The following ZNF180 variants were observed in gnomAD, a reference collection of about 807,000 sequenced individuals.
The protein encoded by ZNF180 is zinc finger protein 180, also known as zinc finger protein 180 (HHZ168).
ZNF180 carries 11 observed loss-of-function variants against 11.8 expected under a neutral mutation model. The observed-to-expected ratio is 0.93, with a 90% CI of 0.59 to 1.55. The LOEUF (loss-of-function observed/expected upper bound fraction) is 1.55, where lower values mean the gene tolerates loss of function less well. Ranked by LOEUF, ZNF180 falls within the 40% of genes most tolerant of loss-of-function variation. The pLI, the probability that ZNF180 is intolerant of heterozygous loss-of-function variation, is 0.00. For missense variants in ZNF180, 773 were observed against 781.7 expected, an observed-to-expected ratio of 0.99 and a Z score of 0.13; for synonymous variants, 287 against 257.7, an observed-to-expected ratio of 1.11 and a Z score of -1.09.
intron 2 of ZNF180, among the ~76,000 whole-genome samples, chr19:44,488,677 A>G (rs371668932): frequency 2.0e-5 from 3 of 151,790 alleles, no homozygotes; most frequent in African/African-American, 7.3e-5. Context: ...GCCTCTGCCC[A>G]GCTGCCACCC....
At position 44,476,504 on chromosome 19, in the gene ZNF180, T is replaced by C. The variant is rs368329994; in HGVS notation, c.1896A>G (p.Lys632=). ...IVHQRTHTGE[K]PFTCIQCGKA... ...TTCCACACTGAATACATGTAAAGGG[T>C]TTCTCTCCAGTATGAGTTCTTTGAT... Residue 632 remains lysine (K), a synonymous_variant, in exon 5 of 5, where the codon AAA becomes AAG. Coordinates refer to ENST00000592529, the MANE Select transcript of ZNF180 (RefSeq NM_001278509.3). The C allele has an allele frequency of 8.7e-6, 14 of 1,614,014 alleles. No individual in the cohort carries two copies. Among genetic ancestry groups the C allele is most frequent in the African/African-American group, 1.3e-5 (1 of 74,916 alleles).
rs1970014969 is a variant in ZNF180 at position 44,479,296 on chromosome 19, G to A, written c.240C>T (p.Asp80=). Reference sequence around the variant, plus strand: ...GTGTATTCTTACCCCAAGAGACTAGGTCCCTGTGGTTCTCCAGGATCACAT... The same window carrying A: ...GTGTATTCTTACCCCAAGAGACTAGATCCCTGTGGTTCTCCAGGATCACAT... ...DRDVILENHR[D]LVSWDLATAV... is the part of the protein sequence containing the mutation. The change falls in exon 4 of 5, where the codon GAC becomes GAT. Residue 80 remains aspartate (D), a synonymous_variant. Transcript: ENST00000592529. 3.7e-6 allele frequency: 6 copies of A among 1,613,814 alleles called. No homozygotes were observed. The highest frequency in any genetic ancestry group is 5.1e-6 in the Non-Finnish European group (6 of 1,179,874).
chr19:44,488,085 C>T (rs987052770), intron 2 of ZNF180, among the ~76,000 whole-genome samples: 6,021 of 64,992 alleles, frequency 0.093, 720 homozygotes, highest in South Asian at 0.22. Flanking sequence ...TCTCCCTCTC[C>T]CCACGGTCTC....
chr19:44,480,683 T>C (rs1970054696), intron 3 of ZNF180, among the ~76,000 whole-genome samples: 1 of 152,264 alleles, frequency 6.6e-6, no homozygotes. Context: ...TTATGTTTCA[T>C]ATACACCTTA....
chr19:44,484,728 A>G, intron 2 of ZNF180: 1 of 454,570 alleles, frequency 2.2e-6, no homozygotes, highest in Non-Finnish European at 4.0e-6. Flanking sequence ...CCAAGACACT[A>G]AGGAGCACTA....
chr19:44,498,989 T>C (rs1253866123), intron 1 of ZNF180, among the ~76,000 whole-genome samples: 1 of 152,088 alleles, frequency 6.6e-6, no homozygotes, highest in Non-Finnish European at 1.5e-5. Flanking sequence ...CACACCATGC[T>C]CCTGAGTCAA....
chr19:44,477,309 C>G lies in ZNF180; in HGVS notation c.1091G>C (p.Ser364Thr), dbSNP rs763497886. The change falls in exon 5 of 5, where the codon AGC (serine) becomes ACC (threonine). Residue 364 changes from serine (S) to threonine (T), a missense_variant. Transcript: ENST00000592529. ...ATGGGAAACAAGGTGCGAGCTCCGG[C>G]TGAAGGATTTTCCACATTCACTACA... is the stretch of plus-strand genomic sequence containing the variant. ...YECSECGKSFSRSSHLVSHQR... is the reference protein window; with the variant it reads ...YECSECGKSFTRSSHLVSHQR... The G allele has an allele frequency of 1.2e-6, 2 of 1,612,078 alleles. No individual in the cohort carries two copies. The highest frequency in any genetic ancestry group is 2.7e-5 in the African/African-American group (2 of 74,784).
At chr19:44,494,628 T>C (rs924581936) in intron 2 of ZNF180, among the ~76,000 whole-genome samples, 1 of 152,194 alleles carries the variant, frequency 6.6e-6, no homozygotes, top group African/African-American at 2.4e-5. Flanking sequence ...TCTATGCTGG[T>C]GTGCCATGTA....
intron 2 of ZNF180, among the ~76,000 whole-genome samples, chr19:44,488,449 T>G (rs989918735): frequency 1.1e-4 from 17 of 152,274 alleles, no homozygotes; most frequent in African/African-American, 4.1e-4. Context: ...ATTTTTTTGG[T>G]GGAGACGGGG....
At chr19:44,497,871 T>C (rs758406461) in intron 1 of ZNF180, among the ~76,000 whole-genome samples, 1 of 152,186 alleles carries the variant, frequency 6.6e-6, no homozygotes, top group Admixed American at 6.5e-5. Flanking sequence ...ACAGCTCCAC[T>C]GCTCCCAGGA....
At chr19:44,500,223 C>T in intron 1 of ZNF180, 52 bp downstream of exon 1, 1 of 1,614,134 alleles carries the variant, frequency 6.2e-7, no homozygotes, top group Non-Finnish European at 8.5e-7. Context: ...CCCGCGTAGA[C>T]CCTGCGCATG....
intron 2 of ZNF180, among the ~76,000 whole-genome samples, chr19:44,491,856 G>A (rs1472104201): frequency 1.3e-5 from 2 of 152,186 alleles, no homozygotes; most frequent in Non-Finnish European, 1.5e-5. Context: ...GGGATTACAG[G>A]TGTGAGCCAC....
intron 4 of ZNF180, among the ~76,000 whole-genome samples, 167 bp downstream of exon 4, chr19:44,479,116 T>C (rs1277252089): frequency 6.6e-6 from 1 of 152,190 alleles, no homozygotes; most frequent in East Asian, 1.9e-4. Context: ...TCTGCACTAT[T>C]TCTACCCTAC....
At position 44,477,048 on chromosome 19, in the gene ZNF180, T is replaced by C. The variant is rs1388330863; in HGVS notation, c.1352A>G (p.Tyr451Cys). The change falls in exon 5 of 5, where the codon TAT (tyrosine) becomes TGT (cysteine). Residue 451 changes from tyrosine (Y) to cysteine (C), a missense_variant. Coordinates refer to ENST00000592529, the MANE Select transcript of ZNF180 (RefSeq NM_001278509.3). ...AATTCTTTGATGTGCAATAAGTTTA[T>C]AGCTCTGGATAAATGATTTCCCACA... ...NQCGKSFIQS[Y>C]KLIAHQRIHT... The C allele has an allele frequency of 2.5e-6, 4 of 1,614,026 alleles. No individual in the cohort carries two copies. The highest frequency in any genetic ancestry group is 1.7e-5 in the Admixed American group (1 of 60,000).
chr19:44,494,160 G>A (rs533887985), intron 2 of ZNF180, among the ~76,000 whole-genome samples: 1 of 152,318 alleles, frequency 6.6e-6, no homozygotes, highest in African/African-American at 2.4e-5. Flanking sequence ...GAACTAAGTC[G>A]TGCAGGGCAG....
rs11881628 is a variant in ZNF180 at position 44,495,664 on chromosome 19, A to G, written c.51+1620T>C. Among the ~76,000 whole-genome samples the G allele has an allele frequency of 0.17, 25,351 of 151,862 alleles. 2,574 individuals are homozygous for G. Among genetic ancestry groups the G allele is most frequent in the East Asian group, 0.35 (1,789 of 5,134 alleles). ...TGCCTTGCTCACCTGCTCTGACCCC[A>G]TCACCCCACACCAGATCTCCATATA... On this transcript the variant is annotated intron_variant, in intron 2 of 4. Coordinates refer to ENST00000592529, the MANE Select transcript of ZNF180 (RefSeq NM_001278509.3). This position sits in a 1 kb window ranked among gnomAD's most constrained non-coding sequence, Gnocchi z 4.5.
In ZNF180 at chr19:44,476,579, T is replaced by C; in HGVS notation, c.1821A>G (p.Glu607=). The C allele has an allele frequency of 6.2e-7, 1 of 1,614,144 alleles. No individual in the cohort carries two copies. The highest frequency in any genetic ancestry group is 1.7e-5 in the Admixed American group (1 of 60,024). ...QRTHTGEKPF[E]CNQCGKTFSL... ...TAAATGTTTTTCCACACTGATTACATTCAAATGGTTTCTCTCCAGTATGAG... is the reference window on the plus strand; with the variant it reads ...TAAATGTTTTTCCACACTGATTACACTCAAATGGTTTCTCTCCAGTATGAG... Residue 607 remains glutamate, a synonymous_variant, in exon 5 of 5, where the codon GAA becomes GAG. Coordinates refer to ENST00000592529, the MANE Select transcript of ZNF180 (RefSeq NM_001278509.3).
chr19:44,479,581 C>A (rs1416133356), intron 3 of ZNF180, 172 bp from the exon 4 acceptor site: 7 of 785,948 alleles, frequency 8.9e-6, no homozygotes, highest in African/African-American at 1.8e-5. Flanking sequence ...TCTGGGTGAG[C>A]TCTTTGGGTT....
rs761815023 is a variant in ZNF180 at position 44,477,006 on chromosome 19, G to T, written c.1394C>A (p.Pro465His). ...AHQRIHTGEK[P>H]YECNQCGKSF... Reference sequence around the variant, plus strand: ...TTTCCCACACTGATTGCATTCATAGGGTTTTTCCCCAGTATGAATTCTTTG... The same window carrying T: ...TTTCCCACACTGATTGCATTCATAGTGTTTTTCCCCAGTATGAATTCTTTG... The change falls in exon 5 of 5, where the codon CCC becomes CAC. Residue 465 changes from proline (P) to histidine (H), a missense_variant. Pro to His is a moderately conservative substitution (Grantham distance 77). Coordinates refer to ENST00000592529, the MANE Select transcript of ZNF180 (RefSeq NM_001278509.3). 6 of 1,614,068 alleles carry T rather than the reference G, an allele frequency of 3.7e-6. No individual in the cohort carries two copies. In the Admixed American group the frequency reaches 1.0e-4, roughly 27 times the overall value.
Sources: allele counts gnomAD v4.1 joint callset (sites outside exome capture counted in the v4.1 genomes callset), GRCh38; gene constraint gnomAD v4.1.1; non-coding constraint Gnocchi (gnomAD v3.1); transcripts MANE v1.5; gene names NCBI Gene and HGNC (gene_info 2026-07-23, HGNC 2026-07-21).